The following H2BC18 variants were observed in gnomAD, a reference collection of about 807,000 sequenced individuals.
H2BC18 encodes histone H2B type 2-F.
A neutral mutation model predicts 6.3 loss-of-function variants in H2BC18; 8 were observed. That is an observed-to-expected ratio of 1.28 (90% confidence interval 0.75 to 2.31). The LOEUF is 2.31. H2BC18 is among the 30% of genes most tolerant of loss of function. The pLI is 0.00. For synonymous variants in H2BC18, 104 were observed against 78.1 expected (o/e 1.33, Z -1.75); for missense variants, 106 against 174.5 (o/e 0.61, Z 2.21).
At chr1:149,807,952 T>A (rs1452076745), downstream of H2BC18, among the ~76,000 whole-genome samples, 2 of 152,144 alleles carry the variant, frequency 1.3e-5, no homozygotes, top group African/African-American at 2.4e-5. Flanking sequence ...CATAAATTGT[T>A]TTGCACTCTG....
At position 149,788,657 on chromosome 1, in the gene H2BC18, C is replaced by T. The variant is rs782276425; in HGVS notation, c.378-5397G>A. ...TAGTCATAGAACTGATAGTCCCTCC[C>T]CCTGAGGGACCATCATAAATATTCT... is the stretch of plus-strand genomic sequence containing the variant. On this transcript the variant is annotated intron_variant, in intron 1 of 1. Transcript: ENST00000545683. The T allele has an allele frequency of 4.4e-6, 7 of 1,593,430 alleles. No individual in the cohort carries two copies. The African/African-American group carries it at 5.4e-5, about 12-fold the overall frequency.
Position 149,785,407 on chromosome 1 carries a change from C to CCTTTTTTTTTTTTTT in H2BC18, c.378-2148_378-2147insAAAAAAAAAAAAAAG, listed in dbSNP as rs1553750700. 2.7e-5 allele frequency among the ~76,000 whole-genome samples: 2 copies of CCTTTTTTTTTTTTTT among 74,544 alleles called. 1 individual carries two copies. Among genetic ancestry groups the CCTTTTTTTTTTTTTT allele is most frequent in the African/African-American group, 9.1e-5 (2 of 21,900 alleles). The allele number at this position is 74,544 out of a possible 152,430, so 48.9% of individuals were successfully genotyped here. Reference sequence around the variant, plus strand: ...GTTAGGGAAGCTGACAGAGCTGTTTCGTTTTTTTTTTTTTTTTTTTTTTTT... The same window carrying CCTTTTTTTTTTTTTT: ...GTTAGGGAAGCTGACAGAGCTGTTTCCTTTTTTTTTTTTTTGTTTTTTTTTTTTTTTTTTTTTTTT... On this transcript the variant is annotated intron_variant, in intron 1 of 1. Transcript: ENST00000545683.
chr1:149,793,222 C>T (rs1553752412), intron 1 of H2BC18: 2 of 1,266,342 alleles, frequency 1.6e-6, no homozygotes, highest in South Asian at 1.3e-5. Context: ...CTTGGCTTGT[C>T]GCAAGAGCAG....
chr1:149,801,989 A>G (rs2091877330), intron 1 of H2BC18, among the ~76,000 whole-genome samples: 2 of 152,084 alleles, frequency 1.3e-5, no homozygotes, highest in African/African-American at 2.4e-5. Flanking sequence ...CTTCTCTTAG[A>G]CAAATGAAAA....
chr1:149,800,787 C>T (rs12081555), intron 1 of H2BC18, among the ~76,000 whole-genome samples: 51 of 150,730 alleles, frequency 3.4e-4, no homozygotes, highest in African/African-American at 1.2e-3. Context: ...CTGCTGGGGT[C>T]AAAGATGTCA....
At chr1:149,801,018 T>TG (rs1307283223) in intron 1 of H2BC18, among the ~76,000 whole-genome samples, 4 of 152,140 alleles carry the variant, frequency 2.6e-5, no homozygotes, top group Non-Finnish European at 5.9e-5. Flanking sequence ...CCCAGGAGGT[T>TG]GGGGCTGCAG....
chr1:149,806,590 G>A lies in H2BC18; in HGVS notation c.377+5357C>T, dbSNP rs1470704237. Among the ~76,000 whole-genome samples, 6 of 149,796 alleles carry A rather than the reference G, an allele frequency of 4.0e-5. No individual in the cohort carries two copies. In the South Asian group the frequency reaches 8.4e-4, roughly 21 times the overall value. The stretch of plus-strand genomic sequence containing the variant: ...ACAACAGAGCGAGACGCGAGACTCC[G>A]TCTCAAAAAAAAAAAAAGTTATGAG... On this transcript the variant is annotated intron_variant, in intron 1 of 1. Coordinates refer to the H2BC18 transcript ENST00000545683.
intron 1 of H2BC18, chr1:149,790,416 G>A (rs2091676350): frequency 6.5e-7 from 1 of 1,547,676 alleles, no homozygotes; most frequent in African/African-American, 1.4e-5. Context: ...GTTTGTTCAA[G>A]GGTTTTTGGC....
intron 1 of H2BC18, among the ~76,000 whole-genome samples, chr1:149,797,260 T>C (rs1289388055): frequency 6.6e-6 from 1 of 152,198 alleles, no homozygotes; most frequent in Non-Finnish European, 1.5e-5. Context: ...TTTCTGTTTC[T>C]CTTATTCTTT....
Position 149,793,501 on chromosome 1 carries a change from G to C in H2BC18, c.378-10241C>G, listed in dbSNP as rs2791035. ...AAAAGATTACAGGACTGACAATGAG[G>C]CCCTGGAGGGATCTGATGCAGCTGG... On this transcript the variant is annotated intron_variant, in intron 1 of 1. Coordinates refer to the H2BC18 transcript ENST00000545683. Among the ~76,000 whole-genome samples, 723 of 152,078 alleles carry C rather than the reference G, an allele frequency of 4.8e-3. 8 individuals carry two copies. Among genetic ancestry groups the C allele is most frequent in the African/African-American group, 0.017 (685 of 41,428 alleles).
chr1:149,809,131 A>C (rs1279017632), downstream of H2BC18, among the ~76,000 whole-genome samples: 1 of 129,410 alleles, frequency 7.7e-6, no homozygotes, highest in African/African-American at 3.0e-5. Flanking sequence ...CTACATGTGC[A>C]GTGTTCTCTG....
chr1:149,809,688 C>T (rs1314474283), downstream of H2BC18, among the ~76,000 whole-genome samples: 3 of 141,866 alleles, frequency 2.1e-5, no homozygotes, highest in Non-Finnish European at 4.5e-5. Context: ...AGGAATAAGC[C>T]TACAGTTTAA....
chr1:149,789,969 C>T (rs2091660650), intron 1 of H2BC18: 1 of 1,611,480 alleles, frequency 6.2e-7, no homozygotes, highest in Non-Finnish European at 8.5e-7. Context: ...GGCCAGGTTT[C>T]CCAAGGGGGT....
At chr1:149,800,652 CCTGTTCTGGA>C (rs1293628187) in intron 1 of H2BC18, among the ~76,000 whole-genome samples, 5 of 143,366 alleles carry the variant, frequency 3.5e-5, no homozygotes, top group African/African-American at 1.3e-4. Flanking sequence ...CTTTATCTAT[CCTGTTCTGGA>C]TTTATCCCTT....
downstream of H2BC18, chr1:149,811,171 GC>G (rs1156571536): frequency 7.3e-6 from 1 of 136,840 alleles, no homozygotes; most frequent in African/African-American, 2.5e-5. Context: ...GACATTACAG[GC>G]CAGGTAGCTC....
rs587633909 is a variant in H2BC18, at chr1:149,801,769, T to C, written c.377+10178A>G. 1.9e-3 allele frequency among the ~76,000 whole-genome samples: 288 copies of C among 151,282 alleles called. 1 individual carries two copies. The highest frequency in any genetic ancestry group is 6.9e-3 in the African/African-American group (283 of 40,794). On this transcript the variant is annotated intron_variant, in intron 1 of 1. Transcript: ENST00000545683. ...GCCACATTTCTACCCATCAACTCAATCTACATTACTCAAGCATGCTTGTAA... is the reference window on the plus strand; with the variant it reads ...GCCACATTTCTACCCATCAACTCAACCTACATTACTCAAGCATGCTTGTAA...
chr1:149,806,448 T>C (rs587722459), intron 1 of H2BC18, among the ~76,000 whole-genome samples: 1 of 151,934 alleles, frequency 6.6e-6, no homozygotes, highest in South Asian at 2.1e-4. Flanking sequence ...ATTAGCTGGG[T>C]ATGGTGGCAC....
intron 1 of H2BC18, among the ~76,000 whole-genome samples, chr1:149,785,053 G>A (rs1467328465): frequency 1.3e-5 from 2 of 152,184 alleles, no homozygotes; most frequent in Admixed American, 1.3e-4. Flanking sequence ...AAGCAGAAAA[G>A]CCCACCACCC....
intron 1 of H2BC18, among the ~76,000 whole-genome samples, chr1:149,800,277 C>G (rs1337777959): frequency 6.6e-6 from 1 of 152,236 alleles, no homozygotes; most frequent in Non-Finnish European, 1.5e-5. Context: ...GTTCAGCTAT[C>G]CAGAAGCTCT....
Sources: gnomAD v4.1 joint callset for allele counts (sites outside exome capture counted in the v4.1 genomes callset) on GRCh38, gnomAD v4.1.1 for gene constraint, MANE v1.5 for transcripts, NCBI Gene and HGNC (gene_info 2026-07-23, HGNC 2026-07-21) for gene names.